Variants in RACGAP1 observed in about 807,000 individuals in gnomAD.
RACGAP1 encodes Rac GTPase activating protein 1.
A neutral mutation model predicts 78.1 loss-of-function variants in RACGAP1; 30 were observed. That is an observed-to-expected ratio of 0.38 (90% CI 0.29 to 0.52). The LOEUF (loss-of-function observed/expected upper bound fraction) is 0.52, where lower values mean the gene tolerates loss of function less well. Among genes scored for constraint, RACGAP1 ranks in the 20% least tolerant of loss-of-function variants. RACGAP1 has a pLI of 0.82. For synonymous variants in RACGAP1, 231 were observed against 264.8 expected, an observed-to-expected ratio of 0.87 and a Z score of 1.24; for missense variants, 587 against 777.1, an observed-to-expected ratio of 0.76 and a Z score of 2.91.
At chr12:50,009,729 A>T (rs1440723893) in intron 2 of RACGAP1, among the ~76,000 whole-genome samples, 3 of 152,186 alleles carry the variant, frequency 2.0e-5, no homozygotes, top group Non-Finnish European at 4.4e-5. Flanking sequence ...TCCCACCACT[A>T]TGCAATAAAT....
chr12:50,025,650 C>T (rs1409178613), upstream of RACGAP1: 2 of 684,420 alleles, frequency 2.9e-6, no homozygotes, highest in East Asian at 1.3e-4. Flanking sequence ...CTAATGTCAA[C>T]GGTTTTTCGG....
intron 1 of RACGAP1, among the ~76,000 whole-genome samples, chr12:50,024,320 T>C (rs1230076039): frequency 1.3e-5 from 2 of 152,156 alleles, no homozygotes; most frequent in African/African-American, 4.8e-5. Flanking sequence ...CACCACAGAA[T>C]ACTACTCAGC....
At chr12:50,000,259 C>T (rs1306507895) in intron 7 of RACGAP1, among the ~76,000 whole-genome samples, 2 of 151,858 alleles carry the variant, frequency 1.3e-5, no homozygotes, top group East Asian at 1.9e-4. Flanking sequence ...GTGATCCACC[C>T]GCCTCAGCCT....
At chr12:50,020,090 TAGAA>T (rs1347401137) in intron 1 of RACGAP1, among the ~76,000 whole-genome samples, 2 of 152,274 alleles carry the variant, frequency 1.3e-5, no homozygotes, top group African/African-American at 4.8e-5. Flanking sequence ...ACTATACAAT[TAGAA>T]AGAAAAGAAT....
upstream of RACGAP1, among the ~76,000 whole-genome samples, chr12:50,027,442 T>C (rs1428661849): frequency 6.6e-6 from 1 of 152,118 alleles, no homozygotes; most frequent in East Asian, 1.9e-4. Context: ...GGGTCTTGTG[T>C]GAATAGGAAT....
chr12:50,002,466 G>A (rs1403192014), intron 5 of RACGAP1, among the ~76,000 whole-genome samples, 166 bp from the exon 6 acceptor site: 1 of 152,184 alleles, frequency 6.6e-6, no homozygotes, highest in Non-Finnish European at 1.5e-5. Context: ...TAGCTATAGA[G>A]CTATAGTAAG....
chr12:50,002,153 G>T, intron 6 of RACGAP1, 94 bp downstream of exon 6: 1 of 892,184 alleles, frequency 1.1e-6, no homozygotes, highest in South Asian at 1.5e-5. Flanking sequence ...AATGGCTAGA[G>T]CAACATGACA....
Position 49,999,129 on chromosome 12 carries a change from TCA to T in RACGAP1, c.879+10_879+11del. 1 of 1,575,652 alleles carries T rather than the reference TCA, an allele frequency of 6.3e-7. No individual in the cohort carries two copies. Among genetic ancestry groups the T allele is most frequent in the Non-Finnish European group, 8.6e-7 (1 of 1,165,014 alleles). On this transcript the variant is annotated intron_variant, in intron 9 of 16. Coordinates refer to ENST00000312377, the MANE Select transcript of RACGAP1 (RefSeq NM_001319999.2). ...TAAAAAATTAAAACACAAACAACAATCACAGATTTACCGTCTTAGAAACAAAG... is the reference window on the plus strand; with the variant it reads ...TAAAAAATTAAAACACAAACAACAATCAGATTTACCGTCTTAGAAACAAAG...
At chr12:50,000,987 A>T (rs1948638800) in intron 7 of RACGAP1, among the ~76,000 whole-genome samples, 185 bp downstream of exon 7, 1 of 152,220 alleles carries the variant, frequency 6.6e-6, no homozygotes, top group Admixed American at 6.5e-5. Flanking sequence ...GGTGGAGGTT[A>T]CAGTGAGCCA....
intron 2 of RACGAP1, among the ~76,000 whole-genome samples, chr12:50,009,242 CAAAAAAAA>C (rs397751749): frequency 1.5e-5 from 1 of 65,258 alleles, no homozygotes; most frequent in Admixed American, 1.6e-4. Context: ...GATGCTGTCT[CAAAAAAAA>C]AAAAAAAAAA....
chr12:50,002,388 G>T, intron 5 of RACGAP1, 88 bp from the exon 6 acceptor site: 1 of 1,150,038 alleles, frequency 8.7e-7, no homozygotes, highest in Non-Finnish European at 1.3e-6. Flanking sequence ...AACTTTAAAG[G>T]CTTCTTCAGT....
chr12:50,033,193 G>A (rs947078702), upstream of RACGAP1: 2 of 151,818 alleles, frequency 1.3e-5, no homozygotes, highest in Non-Finnish European at 2.9e-5. Flanking sequence ...TCCCATCCAG[G>A]ATTATCGTTC....
chr12:49,990,850 A>G, intron 15 of RACGAP1, 58 bp from the exon 16 acceptor site: 1 of 1,372,648 alleles, frequency 7.3e-7, no homozygotes. Context: ...ATCTTTTTAG[A>G]TGGCTAGTTT....
intron 5 of RACGAP1, 95 bp downstream of exon 5, chr12:50,004,140 A>G: frequency 6.9e-7 from 1 of 1,457,282 alleles, no homozygotes; most frequent in Non-Finnish European, 9.2e-7. Flanking sequence ...ATAAAATAGT[A>G]ATATAGGATG....
intron 10 of RACGAP1, among the ~76,000 whole-genome samples, chr12:49,996,627 C>A (rs1016506412): frequency 5.8e-3 from 37 of 6,406 alleles, no homozygotes; most frequent in African/African-American, 0.013. Context: ...GGCAATAGAG[C>A]TAAAAAAAAA....
chr12:50,011,716 G>A (rs1317049085), intron 2 of RACGAP1, among the ~76,000 whole-genome samples: 1 of 152,130 alleles, frequency 6.6e-6, no homozygotes, highest in African/African-American at 2.4e-5. Flanking sequence ...AGCACTTTGG[G>A]AGGACGAGGC....
At chr12:50,019,184 C>T (rs932384633) in intron 1 of RACGAP1, among the ~76,000 whole-genome samples, 1 of 152,134 alleles carries the variant, frequency 6.6e-6, no homozygotes, top group Admixed American at 6.6e-5. Flanking sequence ...CCATACCCAC[C>T]CCCTTATCAC....
chr12:50,023,305 T>G (rs1683017264), intron 1 of RACGAP1, among the ~76,000 whole-genome samples: 1 of 152,234 alleles, frequency 6.6e-6, no homozygotes, highest in Non-Finnish European at 1.5e-5. Flanking sequence ...GCACAGTACT[T>G]TCAACAGTGT....
intron 6 of RACGAP1, among the ~76,000 whole-genome samples, chr12:50,001,503 A>G (rs1003583777): frequency 6.6e-6 from 1 of 152,216 alleles, no homozygotes; most frequent in Admixed American, 6.5e-5. Context: ...AGAAATTTAG[A>G]TGACACCACC....
Sources: allele counts gnomAD v4.1 joint callset (sites outside exome capture counted in the v4.1 genomes callset), GRCh38; gene constraint gnomAD v4.1.1; transcripts MANE v1.5; gene names NCBI Gene and HGNC (gene_info 2026-07-23, HGNC 2026-07-21).